Variants in RIMBP2 observed in about 807,000 individuals in gnomAD.
RIMBP2 encodes the protein RIMS-binding protein 2.
In RIMBP2, 48 loss-of-function variants were observed where a neutral mutation model predicts 118.6. The ratio of observed to expected loss-of-function variants is 0.40; its 90% CI spans 0.32 to 0.51. The LOEUF (loss-of-function observed/expected upper bound fraction) is 0.51. Ranked by LOEUF, RIMBP2 falls within the 20% of genes least tolerant of loss-of-function variation. The pLI is 0.41. For missense variants in RIMBP2, 1,551 were observed against 1,768.3 expected (o/e 0.88, Z 2.20); for synonymous variants, 762 against 742.9 (o/e 1.03, Z -0.42).
rs569786017 is a variant in RIMBP2 at position 130,710,279 on chromosome 12, C to T, written c.-352+5943G>A. Among the ~76,000 whole-genome samples, 38 of 152,226 alleles carry T rather than the reference C, an allele frequency of 2.5e-4. No homozygotes were observed. The highest frequency in any genetic ancestry group is 8.7e-4 in the African/African-American group (36 of 41,546). The stretch of plus-strand genomic sequence containing the variant: ...TCTCAGGGTCCTGTCTCAGCTTCAA[C>T]GCCACCTCCTCCCTGAGACCCTCCC... On this transcript the variant is annotated intron_variant, in intron 1 of 22. Coordinates refer to ENST00000690449, the MANE Select transcript of RIMBP2 (RefSeq NM_001393629.1). This position sits in a 1 kb window ranked among gnomAD's most constrained non-coding sequence, Gnocchi z 4.3.
At chr12:130,402,129 G>T (rs1485884988) in intron 21 of RIMBP2, among the ~76,000 whole-genome samples, 1 of 152,164 alleles carries the variant, frequency 6.6e-6, no homozygotes, top group Admixed American at 6.5e-5. Context: ...CCCCATGTCT[G>T]ATGCCTCTAC....
chr12:130,645,292 T>C (rs10848172), intron 1 of RIMBP2, among the ~76,000 whole-genome samples: 148,746 of 152,236 alleles, frequency 0.98, 72,745 homozygotes, highest in East Asian at 1. Context: ...GGTTTCACCA[T>C]GCTGGCCAGG....
At chr12:130,423,686 T>G (rs2076568868) in intron 16 of RIMBP2, among the ~76,000 whole-genome samples, 3 of 136,268 alleles carry the variant, frequency 2.2e-5, no homozygotes, top group Non-Finnish European at 4.7e-5. Context: ...ATAGATTTCT[T>G]CAATCTTTTT....
At chr12:130,474,241 G>A (rs1037905619) in intron 5 of RIMBP2, among the ~76,000 whole-genome samples, 7 of 152,134 alleles carry the variant, frequency 4.6e-5, no homozygotes, top group South Asian at 2.1e-4. Flanking sequence ...TGGTGCCTCC[G>A]CCCCGCAGGT....
chr12:130,645,415 A>T (rs557810118), intron 1 of RIMBP2, among the ~76,000 whole-genome samples: 1 of 152,308 alleles, frequency 6.6e-6, no homozygotes, highest in East Asian at 1.9e-4. Context: ...CAGACATTGG[A>T]GTTACTCCCT....
Position 130,434,779 on chromosome 12 carries a change from G to A in RIMBP2, c.2208C>T (p.Gly736=), listed in dbSNP as rs779084502. 1.9e-5 allele frequency: 30 copies of A among 1,613,576 alleles called. No individual in the cohort carries two copies. The highest frequency in any genetic ancestry group is 8.9e-5 in the East Asian group (4 of 44,854). The change falls in exon 14 of 23, where the codon GGC becomes GGT. Residue 736 remains glycine, a synonymous_variant. Transcript: ENST00000690449. This position sits in a 1 kb window ranked among gnomAD's most constrained non-coding sequence, Gnocchi z 5.7. ...CTTTCAGGAAGTCGTCCACCGAGGC[G>A]CCCCTCCTCTTGAAGTCTGGAGAGT... ...AYDSPDFKRR[G]ASVDDFLKGS... is the part of the protein sequence containing the mutation.
rs1274163542 is a variant in RIMBP2 at position 130,442,781 on chromosome 12, T to C, written c.692-121A>G. The C allele has an allele frequency of 1.3e-6, 1 of 783,206 alleles. No homozygotes were observed. Among genetic ancestry groups the C allele is most frequent in the East Asian group, 2.7e-5 (1 of 37,214 alleles). 48.5% of individuals were successfully genotyped at this position (783,206 alleles called of 1,614,324 possible). The stretch of plus-strand genomic sequence containing the variant: ...CAGAGCAACAGGGTTGCCCTGGGGC[T>C]CCTCCGCTGTTCCCAGGAGTCCATG... On this transcript the variant is annotated intron_variant, in intron 10 of 22. Transcript: ENST00000690449. The surrounding 1 kb of genome is among the most constrained non-coding windows in gnomAD (Gnocchi z 6.9).
intron 2 of RIMBP2, among the ~76,000 whole-genome samples, chr12:130,564,466 A>T (rs536920396): frequency 1.3e-5 from 2 of 152,366 alleles, no homozygotes; most frequent in Admixed American, 6.5e-5. Flanking sequence ...CAACAATGGT[A>T]TAACAAATGG....
At chr12:130,669,412 C>A (rs991237879) in intron 1 of RIMBP2, among the ~76,000 whole-genome samples, 1 of 152,126 alleles carries the variant, frequency 6.6e-6, no homozygotes, top group African/African-American at 2.4e-5. Flanking sequence ...CCCCATAATC[C>A]CCACGTGTCC....
intron 2 of RIMBP2, among the ~76,000 whole-genome samples, chr12:130,573,862 C>G (rs995418972): frequency 6.6e-6 from 1 of 152,144 alleles, no homozygotes; most frequent in East Asian, 1.9e-4. Flanking sequence ...CCATCCCCAG[C>G]AAGTTCCCCC....
chr12:130,705,738 G>C (rs149466370), intron 1 of RIMBP2, among the ~76,000 whole-genome samples: 22 of 152,354 alleles, frequency 1.4e-4, no homozygotes, highest in Non-Finnish European at 2.4e-4. Context: ...CTGCAAAAAC[G>C]TCCCAACACA....
intron 1 of RIMBP2, among the ~76,000 whole-genome samples, chr12:130,636,380 G>A (rs1314076477): frequency 6.6e-6 from 1 of 152,156 alleles, no homozygotes; most frequent in African/African-American, 2.4e-5. Flanking sequence ...ATTGGCGGTT[G>A]TATGTATCTT....
At chr12:130,650,380 A>G (rs1355225691) in intron 1 of RIMBP2, among the ~76,000 whole-genome samples, 1 of 152,196 alleles carries the variant, frequency 6.6e-6, no homozygotes, top group Non-Finnish European at 1.5e-5. Context: ...TTAACACCGC[A>G]TGTGTGCTCT....
chr12:130,500,909 C>T (rs887588284), intron 4 of RIMBP2, among the ~76,000 whole-genome samples: 2 of 152,080 alleles, frequency 1.3e-5, no homozygotes, highest in South Asian at 2.1e-4. Context: ...CTACCACACG[C>T]GTCATCTAAT....
intron 1 of RIMBP2, among the ~76,000 whole-genome samples, chr12:130,685,896 T>C (rs1214086286): frequency 6.6e-6 from 1 of 152,180 alleles, no homozygotes; most frequent in Non-Finnish European, 1.5e-5. Flanking sequence ...TCAGCCAATC[T>C]TTCTTTAAGC....
chr12:130,697,290 G>A (rs2065621684), intron 1 of RIMBP2, among the ~76,000 whole-genome samples: 1 of 152,244 alleles, frequency 6.6e-6, no homozygotes, highest in African/African-American at 2.4e-5. Flanking sequence ...GGGAGGTGAA[G>A]GCGGGAGAAC....
At chr12:130,599,369 G>A (rs899736233) in intron 2 of RIMBP2, among the ~76,000 whole-genome samples, 4 of 152,138 alleles carry the variant, frequency 2.6e-5, no homozygotes, top group African/African-American at 9.7e-5. Context: ...TAATATATCT[G>A]ACAAGAGAGC....
chr12:130,438,335 A>AGC, intron 12 of RIMBP2, 30 bp downstream of exon 12: 1,452 of 864,198 alleles, frequency 1.7e-3, no homozygotes, highest in Non-Finnish European at 2.5e-3. Context: ...GGCCTAACAA[A>AGC]CCCTCCCCAC....
intron 22 of RIMBP2, 45 bp downstream of exon 22, chr12:130,399,634 G>A: frequency 6.2e-7 from 1 of 1,606,926 alleles, no homozygotes; most frequent in Non-Finnish European, 8.5e-7. Flanking sequence ...GACCACATAT[G>A]GCAGAACGGG....
Sources: allele counts gnomAD v4.1 joint callset (sites outside exome capture counted in the v4.1 genomes callset), GRCh38; gene constraint gnomAD v4.1.1; non-coding constraint Gnocchi (gnomAD v3.1); transcripts MANE v1.5; gene names NCBI Gene and HGNC (gene_info 2026-07-23, HGNC 2026-07-21).